Variants in LPCAT1 observed in about 807,000 individuals in gnomAD.
LPCAT1 encodes 1-acylglycerol-3-phosphate O-acyltransferase.
Under a neutral mutation model 60.9 loss-of-function variants are expected in LPCAT1, and 23 were observed. That is an observed-to-expected ratio of 0.38 (90% CI 0.27 to 0.53). The LOEUF is 0.53. LPCAT1 is among the 20% of genes least tolerant of loss of function. The probability of loss-of-function intolerance (pLI) is 0.82; values close to 1 mark genes in which losing one functional copy is unlikely to be tolerated. For synonymous variants in LPCAT1, 340 were observed against 301.1 expected, an observed-to-expected ratio of 1.13 and a Z score of -1.34; for missense variants, 622 against 723.6, an observed-to-expected ratio of 0.86 and a Z score of 1.61.
intron 1 of LPCAT1, 64 bp from the exon 2 acceptor site, chr5:1,501,667 G>A: frequency 1.9e-6 from 3 of 1,544,358 alleles, no homozygotes; most frequent in Admixed American, 1.7e-5. Flanking sequence ...TCCCCACCCG[G>A]CAGAGGCTAG....
intron 3 of LPCAT1, among the ~76,000 whole-genome samples, chr5:1,491,537 C>A (rs944293293): frequency 6.6e-6 from 1 of 152,122 alleles, no homozygotes; most frequent in Non-Finnish European, 1.5e-5. Flanking sequence ...AGTCTTGGGC[C>A]GTGCGTCTTC....
chr5:1,492,727 A>G (rs1735637003), intron 3 of LPCAT1, among the ~76,000 whole-genome samples: 1 of 152,200 alleles, frequency 6.6e-6, no homozygotes, highest in Non-Finnish European at 1.5e-5. Context: ...CCGGGCCTCT[A>G]GAAAGATAGG....
rs906599099 is a variant in LPCAT1 at position 1,477,416 on chromosome 5, C to T, written c.887G>A (p.Arg296Gln). 33 of 1,613,814 alleles carry T rather than the reference C, an allele frequency of 2.0e-5. No homozygotes were observed. The highest frequency in any genetic ancestry group is 2.5e-5 in the Non-Finnish European group (29 of 1,179,888). Residue 296 changes from arginine to glutamine, a missense_variant, in exon 9 of 14, where the codon CGA becomes CAA. Arg to Gln is a conservative substitution (Grantham distance 43, BLOSUM62 1). Around this residue, in one of 3 missense-constraint regions of LPCAT1, gnomAD observed 209 missense variants for 325.5 expected, o/e 0.64. Transcript: ENST00000283415. This position sits in a 1 kb window ranked among gnomAD's most constrained non-coding sequence, Gnocchi z 6.0. ...NPALYASNVR[R>Q]VMAEALGVSV... ...GCTGCTCACTTACTCGGCCATGACT[C>T]GCCGCACGTTGCTGGCATACAGCGC...
At chr5:1,491,243 T>C (rs1445885395) in intron 3 of LPCAT1, among the ~76,000 whole-genome samples, 1 of 152,156 alleles carries the variant, frequency 6.6e-6, no homozygotes, top group Non-Finnish European at 1.5e-5. Flanking sequence ...GGCGGAGTCG[T>C]CTCGCAGGAT....
At chr5:1,511,817 T>C (rs761286138) in intron 1 of LPCAT1, among the ~76,000 whole-genome samples, 28 of 152,240 alleles carry the variant, frequency 1.8e-4, no homozygotes, top group Non-Finnish European at 3.4e-4. Flanking sequence ...CTCATGCATC[T>C]GCACAGCAAA....
chr5:1,519,388 CT>C (rs1209582371), intron 1 of LPCAT1, among the ~76,000 whole-genome samples: 3 of 152,222 alleles, frequency 2.0e-5, no homozygotes, highest in Non-Finnish European at 2.9e-5. Flanking sequence ...GGACAGAATG[CT>C]ATAAAAAATG....
chr5:1,466,819 C>A lies in LPCAT1; in HGVS notation c.1350G>T (p.Gly450=). 6.2e-7 allele frequency: 1 copy of A among 1,613,452 alleles called. No individual in the cohort carries two copies. The highest frequency in any genetic ancestry group is 8.5e-7 in the Non-Finnish European group (1 of 1,179,586). The change falls in exon 13 of 14, where the codon GGG becomes GGT. Residue 450 remains glycine (G), a synonymous_variant. Transcript: ENST00000283415. Reference sequence around the variant, plus strand: ...GGTCGGTCACGGTGAGCTCTGCCACCCCCAGGGCCGTCTTGAGGATGCAGG... The same window carrying A: ...GGTCGGTCACGGTGAGCTCTGCCACACCCAGGGCCGTCTTGAGGATGCAGG... ...DLSCILKTAL[G]VAELTVTDLF...
At position 1,476,397 on chromosome 5, in the gene LPCAT1, C is replaced by T. The variant is rs144503891; in HGVS notation, c.899+1007G>A. 2.6e-5 allele frequency among the ~76,000 whole-genome samples: 4 copies of T among 152,098 alleles called. No homozygotes were observed. The highest frequency in any genetic ancestry group is 7.2e-5 in the African/African-American group (3 of 41,392). The stretch of plus-strand genomic sequence containing the variant: ...TGCTTTGGGAGGGAGAGGATGGGAA[C>T]GTGAGGGAACGGGCCGCCCAGCTGA... On this transcript the variant is annotated intron_variant, in intron 9 of 13. Transcript: ENST00000283415. The surrounding 1 kb of genome is among the most constrained non-coding windows in gnomAD (Gnocchi z 8.6).
rs151268995 is a variant in LPCAT1 at position 1,471,157 on chromosome 5, G to C, written c.1180-233C>G. ...ACAGTGACTTCCCAAAGTTCACAAG[G>C]CTGCCACAGGAAGCACCTCAGCAAA... is the stretch of plus-strand genomic sequence containing the variant. On this transcript the variant is annotated intron_variant, in intron 11 of 13. Transcript: ENST00000283415. Among the ~76,000 whole-genome samples, 479 of 152,308 alleles carry C rather than the reference G, an allele frequency of 3.1e-3. 1 individual carries two copies. Among genetic ancestry groups the C allele is most frequent in the African/African-American group, 0.011 (437 of 41,564 alleles).
Position 1,487,880 on chromosome 5 carries a change from T to C in LPCAT1, c.667+511A>G, listed in dbSNP as rs74337951. Among the ~76,000 whole-genome samples the C allele has an allele frequency of 0.021, 3,171 of 152,100 alleles. 66 individuals are homozygous for C. Among genetic ancestry groups the C allele is most frequent in the African/African-American group, 0.053 (2,185 of 41,476 alleles). ...TCCCACGTCAGGGGTGCAGACACAA[T>C]ACTAGACCCAGGTAACCGCCGCGGG... On this transcript the variant is annotated intron_variant, in intron 5 of 13. Transcript: ENST00000283415. This position sits in a 1 kb window ranked among gnomAD's most constrained non-coding sequence, Gnocchi z 6.1.
intron 1 of LPCAT1, among the ~76,000 whole-genome samples, chr5:1,509,318 G>A (rs572993237): frequency 1.6e-4 from 24 of 152,240 alleles, no homozygotes; most frequent in Non-Finnish European, 3.4e-4. Flanking sequence ...CTTTAATTAT[G>A]TGGAAAAAAT....
rs1735045894 is a variant in LPCAT1 at position 1,479,473 on chromosome 5, C to T, written c.816+148G>A. ...ATTGAGGTAAAGCAACCAGAGGCTCCTCGAAGGAGCCCTGAGAAACGGAAA... is the reference window on the plus strand; with the variant it reads ...ATTGAGGTAAAGCAACCAGAGGCTCTTCGAAGGAGCCCTGAGAAACGGAAA... On this transcript the variant is annotated intron_variant, in intron 8 of 13. Coordinates refer to ENST00000283415, the MANE Select transcript of LPCAT1 (RefSeq NM_024830.5). The T allele has an allele frequency of 2.0e-5, 13 of 663,492 alleles. No individual in the cohort carries two copies. In the South Asian group the frequency reaches 2.2e-4, roughly 11 times the overall value. The allele number at this position is 663,492 out of a possible 1,614,324, so 41.1% of individuals were successfully genotyped here. A position where few individuals can be genotyped will look rare whatever the true frequency, so the allele number is the denominator to read the frequency against.
intron 1 of LPCAT1, among the ~76,000 whole-genome samples, chr5:1,517,654 C>T (rs2963277): frequency 0.46 from 69,930 of 151,340 alleles, 16,178 homozygotes; most frequent in Middle Eastern, 0.59. Context: ...CATGTTTATA[C>T]GAGAAATAGA....
At chr5:1,504,710 G>A (rs1484495176) in intron 1 of LPCAT1, among the ~76,000 whole-genome samples, 5 of 105,280 alleles carry the variant, frequency 4.7e-5, no homozygotes, top group Admixed American at 2.0e-4. Flanking sequence ...GCGAATCTCC[G>A]TCCCAAAAAA....
rs1161281180 is a variant in LPCAT1 at position 1,481,453 on chromosome 5, C to T, written c.727-477G>A. ...CCCCAACCACGGTGCATGTGCAGGG[C>T]CCCCCCACCCCGGGTGCTCTGAAGT... On this transcript the variant is annotated intron_variant, in intron 6 of 13. Transcript: ENST00000283415. This position sits in a 1 kb window ranked among gnomAD's most constrained non-coding sequence, Gnocchi z 7.8. Among the ~76,000 whole-genome samples the T allele has an allele frequency of 2.6e-5, 4 of 152,132 alleles. No individual in the cohort carries two copies. Among genetic ancestry groups the T allele is most frequent in the African/African-American group, 7.2e-5 (3 of 41,428 alleles).
intron 2 of LPCAT1, among the ~76,000 whole-genome samples, chr5:1,498,576 CAT>C (rs969398321): frequency 2.6e-5 from 4 of 152,274 alleles, no homozygotes; most frequent in African/African-American, 7.2e-5. Context: ...CTCTCATACA[CAT>C]ATGTACATAC....
At chr5:1,464,298 G>A (rs1027157054) in intron 13 of LPCAT1, among the ~76,000 whole-genome samples, 2 of 152,298 alleles carry the variant, frequency 1.3e-5, no homozygotes, top group African/African-American at 4.8e-5. Flanking sequence ...TGGCCGCTGT[G>A]CCTGGCTCTC....
Position 1,480,450 on chromosome 5 carries a change from G to A in LPCAT1, c.761+492C>T, listed in dbSNP as rs1185895990. 8.2e-6 allele frequency: 7 copies of A among 851,178 alleles called. No individual in the cohort carries two copies. Among genetic ancestry groups the A allele is most frequent in the Admixed American group, 6.2e-5 (1 of 16,128 alleles). The allele number at this position is 851,178 out of a possible 1,614,324, so 52.7% of individuals were successfully genotyped here. ...AGGCCCTGACCAGCCTGTGGCCCCG[G>A]GCTTCTCCTCTGGGGCTCGTTCCCG... is the stretch of plus-strand genomic sequence containing the variant. On this transcript the variant is annotated intron_variant, in intron 7 of 13. Transcript: ENST00000283415. The surrounding 1 kb of genome is among the most constrained non-coding windows in gnomAD (Gnocchi z 6.4).
chr5:1,463,370 C>T lies in LPCAT1; in HGVS notation c.*281G>A, dbSNP rs1734184793. ...GGCCCCGTGGGAGAACACGGGGCGG[C>T]ACCGGTGCCCCCCGCCCGGCAGGGA... is the stretch of plus-strand genomic sequence containing the variant. On this transcript the variant is annotated 3_prime_UTR_variant, in exon 14 of 14. Coordinates refer to ENST00000283415, the MANE Select transcript of LPCAT1 (RefSeq NM_024830.5). 2 of 433,056 alleles carry T rather than the reference C, an allele frequency of 4.6e-6. No homozygotes were observed. The highest frequency in any genetic ancestry group is 4.0e-5 in the Admixed American group (1 of 24,814). The allele number at this position is 433,056 out of a possible 1,614,324, so 26.8% of individuals were successfully genotyped here.
Sources: gnomAD v4.1 joint callset for allele counts (sites outside exome capture counted in the v4.1 genomes callset) on GRCh38, gnomAD v4.1.1 for gene constraint, gnomAD v4.1.1 regional missense constraint, Gnocchi (gnomAD v3.1) non-coding constraint, MANE v1.5 for transcripts, NCBI Gene and HGNC (gene_info 2026-07-23, HGNC 2026-07-21) for gene names.